FAM241A: variants seen among roughly 807,000 people sequenced by gnomAD.
The protein encoded by FAM241A is family with sequence similarity 241 member A, also known as uncharacterized protein FAM241A.
In FAM241A, 7 loss-of-function variants were observed where a neutral mutation model predicts 12.2. The observed-to-expected ratio is 0.58, with a 90% CI of 0.33 to 1.08. The LOEUF (loss-of-function observed/expected upper bound fraction) is 1.08. Among genes scored for constraint, FAM241A ranks in the 50% least tolerant of loss-of-function variants. FAM241A has a pLI of 0.04. For synonymous variants in FAM241A, 74 were observed against 68.2 expected, an observed-to-expected ratio of 1.08 and a Z score of -0.42; for missense variants, 161 against 169.7, an observed-to-expected ratio of 0.95 and a Z score of 0.29.
intron 1 of FAM241A, among the ~76,000 whole-genome samples, chr4:112,171,790 C>A (rs538077046): frequency 6.6e-6 from 1 of 151,914 alleles, no homozygotes; most frequent in Admixed American, 6.6e-5. Context: ...ACCTGGGAGG[C>A]GGAGGTTGCA....
Position 112,190,537 on chromosome 4 carries a change from A to T in FAM241A, c.*3599A>T. ...CCCGTCTCTACTAAAAAAAAAAAAA[A>T]AAAAATACAAAATTAGCTAGGCGTG... is the stretch of plus-strand genomic sequence containing the variant. On this transcript the variant is annotated 3_prime_UTR_variant, in exon 2 of 2. Transcript: ENST00000309733. The T allele has an allele frequency of 6.6e-6, 1 of 151,230 alleles. No individual in the cohort carries two copies. The highest frequency in any genetic ancestry group is 1.9e-4 in the East Asian group (1 of 5,142). 9.4% of individuals were successfully genotyped at this position (151,230 alleles called of 1,614,324 possible).
chr4:112,151,627 G>T (rs1211259342), intron 1 of FAM241A, among the ~76,000 whole-genome samples: 1 of 152,180 alleles, frequency 6.6e-6, no homozygotes, highest in Non-Finnish European at 1.5e-5. Context: ...AGGGAATGGA[G>T]AATAAGCAAG....
intron 1 of FAM241A, among the ~76,000 whole-genome samples, chr4:112,163,706 G>A (rs1208074082): frequency 6.6e-6 from 1 of 152,248 alleles, no homozygotes; most frequent in African/African-American, 2.4e-5. Context: ...CTTTTCCGCT[G>A]TTGGTTGGAT....
At chr4:112,186,638 G>A (rs1026092236) in intron 1 of FAM241A, 55 bp from the exon 2 acceptor site, 43 of 1,523,562 alleles carry the variant, frequency 2.8e-5, no homozygotes, top group South Asian at 5.0e-5. Flanking sequence ...TCTTAAAGAC[G>A]TTTACATATT....
At chr4:112,160,319 CA>C (rs2110423949) in intron 1 of FAM241A, among the ~76,000 whole-genome samples, 1 of 151,028 alleles carries the variant, frequency 6.6e-6, no homozygotes, top group African/African-American at 2.4e-5. Flanking sequence ...AGACGAGAAT[CA>C]CTTGAACCCA....
At chr4:112,177,414 A>G (rs1039861016) in intron 1 of FAM241A, among the ~76,000 whole-genome samples, 5 of 152,160 alleles carry the variant, frequency 3.3e-5, no homozygotes, top group Admixed American at 3.3e-4. Flanking sequence ...TGTGTACAGT[A>G]TAGGGATTAA....
intron 1 of FAM241A, among the ~76,000 whole-genome samples, chr4:112,166,658 T>C (rs1723601039): frequency 6.6e-6 from 1 of 152,206 alleles, no homozygotes; most frequent in Non-Finnish European, 1.5e-5. Context: ...GGAAGTCCTC[T>C]GGTGTCAGTT....
In FAM241A at chr4:112,191,498, T is replaced by G. The variant is rs970526032; in HGVS notation, c.*4560T>G. ...ACAAGGCTCTTCATGTACTGGTTCT[T>G]GCGTACCTCATCTCTCTATACTGCC... On this transcript the variant is annotated 3_prime_UTR_variant, in exon 2 of 2. Coordinates refer to ENST00000309733, the MANE Select transcript of FAM241A (RefSeq NM_152400.3). 2.6e-5 allele frequency: 4 copies of G among 152,398 alleles called. No homozygotes were observed. The highest frequency in any genetic ancestry group is 9.6e-5 in the African/African-American group (4 of 41,594). The allele number at this position is 152,398 out of a possible 1,614,324, so 9.4% of individuals were successfully genotyped here.
chr4:112,164,349 A>G (rs1230053560), intron 1 of FAM241A, among the ~76,000 whole-genome samples: 2 of 151,440 alleles, frequency 1.3e-5, no homozygotes, highest in Admixed American at 1.3e-4. Context: ...GATCGCAAGG[A>G]CAGAAAACCA....
In FAM241A at chr4:112,165,780, G is replaced by C. The variant is rs568564040; in HGVS notation, c.153+20047G>C. On this transcript the variant is annotated intron_variant, in intron 1 of 1. Transcript: ENST00000309733. ...TGGGAAGGGTAGTGGGGCGTGAGGG[G>C]GAAGTGAGGATGGTTAATGGTTACA... Among the ~76,000 whole-genome samples, 13 of 152,260 alleles carry C rather than the reference G, an allele frequency of 8.5e-5. No individual in the cohort carries two copies. The South Asian group carries it at 2.7e-3, about 32-fold the overall frequency.
At chr4:112,163,445 A>T (rs1384183731) in intron 1 of FAM241A, among the ~76,000 whole-genome samples, 7 of 152,240 alleles carry the variant, frequency 4.6e-5, no homozygotes, top group Admixed American at 4.6e-4. Flanking sequence ...TCTACAAAGA[A>T]CTCAGACAAA....
At chr4:112,176,404 A>G (rs955632754) in intron 1 of FAM241A, among the ~76,000 whole-genome samples, 6 of 152,240 alleles carry the variant, frequency 3.9e-5, no homozygotes, top group Non-Finnish European at 8.8e-5. Context: ...AGGTATTATT[A>G]TACACATTTT....
rs1007851965 is a variant in FAM241A at position 112,187,726 on chromosome 4, A to G, written c.*788A>G. The G allele has an allele frequency of 6.6e-6, 1 of 152,432 alleles. No individual in the cohort carries two copies. The highest frequency in any genetic ancestry group is 1.5e-5 in the Non-Finnish European group (1 of 67,940). 9.4% of individuals were successfully genotyped at this position (152,432 alleles called of 1,614,324 possible). On this transcript the variant is annotated 3_prime_UTR_variant, in exon 2 of 2. Coordinates refer to ENST00000309733, the MANE Select transcript of FAM241A (RefSeq NM_152400.3). ...GGTAATGCCATATTTTCTTGTATCT[A>G]ACAAGTTGCATATTTTTTCCTAGAG... is the stretch of plus-strand genomic sequence containing the variant.
chr4:112,159,730 T>C (rs1037037636), intron 1 of FAM241A, among the ~76,000 whole-genome samples: 2 of 152,180 alleles, frequency 1.3e-5, no homozygotes, highest in Non-Finnish European at 2.9e-5. Context: ...CAACATCCCT[T>C]CATGATTAAA....
Position 112,187,129 on chromosome 4 carries a change from T to A in FAM241A, c.*191T>A. The A allele has an allele frequency of 1.6e-6, 1 of 609,614 alleles. No homozygotes were observed. 37.8% of individuals were successfully genotyped at this position (609,614 alleles called of 1,614,324 possible). A position where few individuals can be genotyped will look rare whatever the true frequency, so the allele number is the denominator to read the frequency against. ...GATCATAACAGGGTTGAATATATAT[T>A]TTGAATATACATTAGCTTATTCAAA... is the stretch of plus-strand genomic sequence containing the variant. On this transcript the variant is annotated 3_prime_UTR_variant, in exon 2 of 2. Coordinates refer to ENST00000309733, the MANE Select transcript of FAM241A (RefSeq NM_152400.3).
At chr4:112,176,544 G>A (rs1723825816) in intron 1 of FAM241A, among the ~76,000 whole-genome samples, 1 of 152,086 alleles carries the variant, frequency 6.6e-6, no homozygotes, top group Admixed American at 6.5e-5. Flanking sequence ...ATGGGCTATG[G>A]GACTTAACCT....
chr4:112,163,000 T>C (rs925100818), intron 1 of FAM241A, among the ~76,000 whole-genome samples: 3 of 152,072 alleles, frequency 2.0e-5, no homozygotes, highest in African/African-American at 7.2e-5. Context: ...TCAGAAATAA[T>C]ACCACACATC....
intron 1 of FAM241A, among the ~76,000 whole-genome samples, chr4:112,168,549 T>A (rs1267497759): frequency 6.6e-6 from 1 of 152,232 alleles, no homozygotes; most frequent in East Asian, 1.9e-4. Context: ...GTTAGATTCA[T>A]AAGTACTGTT....
At chr4:112,178,819 G>T (rs1367671048) in intron 1 of FAM241A, among the ~76,000 whole-genome samples, 2 of 151,920 alleles carry the variant, frequency 1.3e-5, no homozygotes, top group Non-Finnish European at 2.9e-5. Context: ...TTTTTAAAAG[G>T]ACAAAGGACA....
Sources: allele counts gnomAD v4.1 joint callset (sites outside exome capture counted in the v4.1 genomes callset), GRCh38; gene constraint gnomAD v4.1.1; transcripts MANE v1.5; gene names NCBI Gene and HGNC (gene_info 2026-07-23, HGNC 2026-07-21).